SPOCK1: variants seen among roughly 807,000 people sequenced by gnomAD.
SPOCK1 encodes the protein testican-1.
In SPOCK1, 23 loss-of-function variants were observed where a neutral mutation model predicts 55.3. The observed-to-expected ratio is 0.42, with a 90% CI of 0.30 to 0.59. The LOEUF is 0.59. Ranked by LOEUF, SPOCK1 falls within the 20% of genes least tolerant of loss-of-function variation. The pLI is 0.22. For missense variants in SPOCK1, 499 were observed against 552.5 expected, an observed-to-expected ratio of 0.90 and a Z score of 0.97; for synonymous variants, 226 against 221.0, an observed-to-expected ratio of 1.02 and a Z score of -0.20.
chr5:137,254,655 C>T (rs1756600498), intron 3 of SPOCK1, among the ~76,000 whole-genome samples: 1 of 152,248 alleles, frequency 6.6e-6, no homozygotes, highest in African/African-American at 2.4e-5. Context: ...CACTGTGAAG[C>T]TCCACATAAC....
chr5:137,498,529 G>GGCC lies in SPOCK1; in HGVS notation c.27_29dup (p.Ala13dup). ...CTTGGAGGAAGCACCACGCCGCGGC[G>GGCC]GCCGCCGCCAACACCGCGATCGCCG... On this transcript the variant is annotated inframe_insertion, in exon 2 of 11. Transcript: ENST00000394945. The GGCC allele has an allele frequency of 6.5e-7, 1 of 1,544,704 alleles. No individual in the cohort carries two copies. Among genetic ancestry groups the GGCC allele is most frequent in the South Asian group, 1.2e-5 (1 of 84,638 alleles).
intron 5 of SPOCK1, among the ~76,000 whole-genome samples, chr5:137,088,228 C>A (rs972466505): frequency 5.9e-5 from 9 of 152,228 alleles, no homozygotes; most frequent in Non-Finnish European, 1.3e-4. Flanking sequence ...TCTGTTCCTA[C>A]AAACCTCTCA....
intron 2 of SPOCK1, among the ~76,000 whole-genome samples, chr5:137,378,145 T>C (rs1383681093): frequency 6.6e-6 from 1 of 152,086 alleles, no homozygotes; most frequent in Non-Finnish European, 1.5e-5. Context: ...GGTTTCTCCA[T>C]GTTGGTCAGG....
chr5:137,326,075 A>G (rs1233994291), intron 2 of SPOCK1, among the ~76,000 whole-genome samples: 1 of 152,212 alleles, frequency 6.6e-6, no homozygotes. Flanking sequence ...TTTCCATAAA[A>G]GATAATTACT....
intron 6 of SPOCK1, among the ~76,000 whole-genome samples, chr5:137,037,517 T>G (rs1024721914): frequency 6.6e-6 from 1 of 152,068 alleles, no homozygotes; most frequent in African/African-American, 2.4e-5. Context: ...TTGTATTTTG[T>G]TAAGGTAACA....
At chr5:137,252,396 A>C (rs1756550329) in intron 3 of SPOCK1, among the ~76,000 whole-genome samples, 1 of 152,196 alleles carries the variant, frequency 6.6e-6, no homozygotes, top group Admixed American at 6.5e-5. Flanking sequence ...ACGGAGAAAA[A>C]CGTGGATGGC....
chr5:137,272,227 C>G (rs1158120201), intron 2 of SPOCK1, among the ~76,000 whole-genome samples: 1 of 152,174 alleles, frequency 6.6e-6, no homozygotes, highest in African/African-American at 2.4e-5. Flanking sequence ...CAAGAGAATT[C>G]AGTGCAAACT....
chr5:137,216,435 G>C (rs1013230943), intron 3 of SPOCK1, among the ~76,000 whole-genome samples: 15 of 152,244 alleles, frequency 9.9e-5, no homozygotes, highest in Non-Finnish European at 8.8e-5. Context: ...GTAAGGCCGG[G>C]TGCAGTGGCT....
chr5:137,097,555 G>A (rs1753176767), intron 5 of SPOCK1, among the ~76,000 whole-genome samples: 1 of 152,176 alleles, frequency 6.6e-6, no homozygotes, highest in Admixed American at 6.5e-5. Context: ...ATGGATATAT[G>A]GTGGAATGGG....
At position 137,307,785 on chromosome 5, in the gene SPOCK1, C is replaced by T. The variant is rs572405202; in HGVS notation, c.187-40730G>A. On this transcript the variant is annotated intron_variant, in intron 2 of 10. Coordinates refer to ENST00000394945, the MANE Select transcript of SPOCK1 (RefSeq NM_004598.4). ...AGGCAAAGATGGATGCCTGACATGGCCTTGAGGACTTTGCCTGGAAGGGTG... is the reference window on the plus strand; with the variant it reads ...AGGCAAAGATGGATGCCTGACATGGTCTTGAGGACTTTGCCTGGAAGGGTG... 1.1e-4 allele frequency among the ~76,000 whole-genome samples: 17 copies of T among 152,260 alleles called. No individual in the cohort carries two copies. In the South Asian group the frequency reaches 3.5e-3, roughly 32 times the overall value.
At position 137,182,331 on chromosome 5, in the gene SPOCK1, C is replaced by T. The variant is rs555687856; in HGVS notation, c.233-41637G>A. On this transcript the variant is annotated intron_variant, in intron 3 of 10. Coordinates refer to ENST00000394945, the MANE Select transcript of SPOCK1 (RefSeq NM_004598.4). ...CTCCTGCAGTGCCCTCCATCTGAAA[C>T]GCCCTTCCCCAGGCTGAATCTTAAC... Among the ~76,000 whole-genome samples, 212 of 152,304 alleles carry T rather than the reference C, an allele frequency of 1.4e-3. 1 individual carries two copies. Among genetic ancestry groups the T allele is most frequent in the Admixed American group, 4.2e-3 (64 of 15,308 alleles).
At chr5:137,346,219 C>T (rs2127158544) in intron 2 of SPOCK1, among the ~76,000 whole-genome samples, 1 of 152,244 alleles carries the variant, frequency 6.6e-6, no homozygotes, top group South Asian at 2.1e-4. Flanking sequence ...AATGAGAAGC[C>T]CAGGAAGACC....
intron 3 of SPOCK1, among the ~76,000 whole-genome samples, chr5:137,188,312 T>G (rs1025816393): frequency 1.3e-5 from 2 of 152,222 alleles, no homozygotes; most frequent in African/African-American, 4.8e-5. Context: ...AGATCTTGCA[T>G]TTTTTACTCA....
chr5:136,979,534 T>A, intron 9 of SPOCK1, 65 bp from the exon 10 acceptor site: 1 of 1,570,950 alleles, frequency 6.4e-7, no homozygotes, highest in South Asian at 1.2e-5. Context: ...TTAATGCCCG[T>A]CAACACAGGG....
At chr5:137,480,114 T>C (rs766100386) in intron 2 of SPOCK1, among the ~76,000 whole-genome samples, 1 of 152,130 alleles carries the variant, frequency 6.6e-6, no homozygotes, top group Non-Finnish European at 1.5e-5. Flanking sequence ...CTAAAAATGA[T>C]AGAAAATTAT....
chr5:137,478,070 A>G (rs1753872021), intron 2 of SPOCK1, among the ~76,000 whole-genome samples: 1 of 152,140 alleles, frequency 6.6e-6, no homozygotes, highest in Non-Finnish European at 1.5e-5. Flanking sequence ...CAGGTTCCTC[A>G]GGTATATAAC....
chr5:137,353,035 G>A (rs1750715765), intron 2 of SPOCK1, among the ~76,000 whole-genome samples: 1 of 152,180 alleles, frequency 6.6e-6, no homozygotes, highest in African/African-American at 2.4e-5. Flanking sequence ...AGTCAGAGCT[G>A]ACAAACTGAA....
chr5:137,206,493 A>T (rs1344065830), intron 3 of SPOCK1, among the ~76,000 whole-genome samples: 1 of 152,254 alleles, frequency 6.6e-6, no homozygotes, highest in South Asian at 2.1e-4. Flanking sequence ...GAATGGGAGA[A>T]GCCAGGGCCA....
intron 3 of SPOCK1, among the ~76,000 whole-genome samples, chr5:137,223,576 A>G (rs549426765): frequency 5.2e-4 from 79 of 152,314 alleles, no homozygotes; most frequent in African/African-American, 1.6e-3. Flanking sequence ...ATGACTCCCA[A>G]TGTTATCTCC....
Sources: allele counts gnomAD v4.1 joint callset (sites outside exome capture counted in the v4.1 genomes callset), GRCh38; gene constraint gnomAD v4.1.1; transcripts MANE v1.5; gene names NCBI Gene and HGNC (gene_info 2026-07-23, HGNC 2026-07-21).